Variants in GARNL3 observed in about 807,000 individuals in gnomAD.
GARNL3 encodes the protein GTPase activating Rap/RanGAP domain like 3.
GARNL3 carries 63 observed loss-of-function variants against 125.0 expected under a neutral mutation model. The observed-to-expected ratio is 0.50, with a 90% CI of 0.41 to 0.62. GARNL3 has a LOEUF of 0.62. Among genes scored for constraint, GARNL3 ranks in the 20% least tolerant of loss-of-function variants. The probability of loss-of-function intolerance (pLI) is 0.00; values close to 1 mark genes in which losing one functional copy is unlikely to be tolerated. For synonymous variants in GARNL3, 439 were observed against 457.5 expected (o/e 0.96, Z 0.52); for missense variants, 994 against 1,244.0 (o/e 0.80, Z 3.02).
chr9:127,344,403 G>A, intron 15 of GARNL3, 64 bp downstream of exon 15: 1 of 1,079,604 alleles, frequency 9.3e-7, no homozygotes, highest in Non-Finnish European at 1.4e-6. Flanking sequence ...CTAACCAGAT[G>A]GCCCATGTGC....
intron 17 of GARNL3, 72 bp from the exon 18 acceptor site, chr9:127,353,774 C>T (rs1458184697): frequency 1.0e-6 from 1 of 999,268 alleles, no homozygotes; most frequent in African/African-American, 1.6e-5. Context: ...AAACTACCCA[C>T]AGGCACGTTT....
intron 27 of GARNL3, among the ~76,000 whole-genome samples, chr9:127,391,533 A>AAAAAAAAAAAAAAAAATATATATAT: frequency 1.1e-4 from 8 of 75,866 alleles, no homozygotes; most frequent in Non-Finnish European, 1.9e-4. Context: ...ACAAAAAAAA[A>AAAAAAAAAAAAAAAAATATATATAT]ATATATATAT....
intron 6 of GARNL3, among the ~76,000 whole-genome samples, chr9:127,324,773 G>C (rs2065514332): frequency 6.6e-6 from 1 of 152,192 alleles, no homozygotes; most frequent in African/African-American, 2.4e-5. Flanking sequence ...TAGATTAAAT[G>C]ACTTATGCCC....
At chr9:127,227,504 G>A (rs1030913291) in intron 1 of GARNL3, among the ~76,000 whole-genome samples, 3 of 152,112 alleles carry the variant, frequency 2.0e-5, no homozygotes, top group Non-Finnish European at 4.4e-5. Context: ...AGGAGGCTAA[G>A]GTTGGAGAGT....
chr9:127,320,355 T>C (rs2065360677), intron 5 of GARNL3, among the ~76,000 whole-genome samples: 2 of 152,244 alleles, frequency 1.3e-5, no homozygotes, highest in African/African-American at 4.8e-5. Flanking sequence ...AAGTAAAACA[T>C]TTTAAAAAGT....
intron 14 of GARNL3, 23 bp from the exon 15 acceptor site, chr9:127,344,212 C>T: frequency 6.6e-7 from 1 of 1,513,660 alleles, no homozygotes; most frequent in East Asian, 2.3e-5. Context: ...TTGTGGAATT[C>T]ATAACTTGTT....
chr9:127,375,504 A>T (rs1293842026), intron 22 of GARNL3, among the ~76,000 whole-genome samples: 1 of 151,942 alleles, frequency 6.6e-6, no homozygotes, highest in East Asian at 1.9e-4. Flanking sequence ...AAATGAAAGC[A>T]TATGTATGTC....
upstream of GARNL3, chr9:127,264,622 CCT>C: frequency 8.9e-7 from 1 of 1,117,550 alleles, no homozygotes. Flanking sequence ...GGGCTTCTCT[CCT>C]CTCTGGTTAT....
chr9:127,361,346 A>G (rs1195323646), intron 21 of GARNL3, among the ~76,000 whole-genome samples: 1 of 151,732 alleles, frequency 6.6e-6, no homozygotes. Flanking sequence ...TCATAGTTCA[A>G]TTCTCCCTCG....
chr9:127,238,222 C>T (rs577624197), intron 1 of GARNL3, among the ~76,000 whole-genome samples: 144 of 152,134 alleles, frequency 9.5e-4, no homozygotes, highest in Non-Finnish European at 1.8e-3. Flanking sequence ...CTCCTGACCT[C>T]GTGATCCGCC....
intron 1 of GARNL3, among the ~76,000 whole-genome samples, chr9:127,230,651 C>T (rs2062984165): frequency 6.8e-6 from 1 of 148,074 alleles, no homozygotes; most frequent in Non-Finnish European, 1.5e-5. Context: ...GAAACTCCAT[C>T]TCACCAAAAA....
chr9:127,353,923 C>G lies in GARNL3; in HGVS notation c.1621C>G (p.Leu541Val). ...GCATGTGCTTGAGACCCTGGACCTT[C>G]TGGTTCTCAGAGCAGACAAAGGTGG... ...QMHVLETLDL[L>V]VLRADKGKDA... is the part of the protein sequence containing the mutation. The change falls in exon 18 of 28, where the codon CTG (leucine) becomes GTG (valine). Residue 541 changes from leucine to valine, a missense_variant. Physicochemically the swap from Leu to Val is conservative, Grantham distance 32. This residue lies in a region of GARNL3 where 728 missense variants were observed against 865.7 expected (regional missense o/e 0.84). Coordinates refer to ENST00000373387, the MANE Select transcript of GARNL3 (RefSeq NM_032293.5). 1 of 1,612,980 alleles carries G rather than the reference C, an allele frequency of 6.2e-7. No individual in the cohort carries two copies. Among genetic ancestry groups the G allele is most frequent in the South Asian group, 1.1e-5 (1 of 91,048 alleles).
At chr9:127,265,123 G>T (rs1446357679) in intron 1 of GARNL3, 102 bp downstream of exon 1, 2 of 929,668 alleles carry the variant, frequency 2.2e-6, no homozygotes, top group South Asian at 2.1e-5. Context: ...GTTAGACCAT[G>T]TGGGTACAGT....
intron 1 of GARNL3, chr9:127,243,010 A>G: frequency 1.6e-6 from 2 of 1,245,628 alleles, no homozygotes; most frequent in Non-Finnish European, 2.1e-6. Context: ...GAGGAGGGTA[A>G]AGCAGGCCAG....
At chr9:127,388,449 A>T (rs1266417928) in intron 25 of GARNL3, 1 of 171,188 alleles carries the variant, frequency 5.8e-6, no homozygotes, top group African/African-American at 2.4e-5. Flanking sequence ...GAATAGAGTC[A>T]TCAAGCCTAG....
chr9:127,355,089 A>G (rs902248314), intron 19 of GARNL3, among the ~76,000 whole-genome samples: 5 of 152,200 alleles, frequency 3.3e-5, no homozygotes, highest in Non-Finnish European at 5.9e-5. Context: ...CACCGCACCC[A>G]GCTGGGAATA....
Position 127,306,320 on chromosome 9 carries a change from C to T in GARNL3, c.220-5316C>T, listed in dbSNP as rs185004057. Among the ~76,000 whole-genome samples, 395 of 152,298 alleles carry T rather than the reference C, an allele frequency of 2.6e-3. 1 individual carries two copies. Among genetic ancestry groups the T allele is most frequent in the Non-Finnish European group, 4.0e-3 (273 of 68,022 alleles). ...TAAATAGGCCAGATGTAGTGGCTCA[C>T]GCCTGTAATCCCAGCACTTTGGGAG... On this transcript the variant is annotated intron_variant, in intron 2 of 27. Transcript: ENST00000373387.
intron 27 of GARNL3, among the ~76,000 whole-genome samples, chr9:127,391,091 G>T (rs1832802010): frequency 6.6e-6 from 1 of 151,874 alleles, no homozygotes. Context: ...TCGAGACTAG[G>T]CTGGCCAACA....
At chr9:127,311,207 A>C (rs898230197) in intron 2 of GARNL3, among the ~76,000 whole-genome samples, 1 of 151,970 alleles carries the variant, frequency 6.6e-6, no homozygotes, top group Admixed American at 6.6e-5. Flanking sequence ...TCATCTTATT[A>C]AGAAAAATAC....
Sources: gnomAD v4.1 joint callset for allele counts (sites outside exome capture counted in the v4.1 genomes callset) on GRCh38, gnomAD v4.1.1 for gene constraint, gnomAD v4.1.1 regional missense constraint, MANE v1.5 for transcripts, NCBI Gene and HGNC (gene_info 2026-07-23, HGNC 2026-07-21) for gene names.